AGBL4: variants seen among roughly 807,000 people sequenced by gnomAD.
The protein encoded by AGBL4 is AGBL carboxypeptidase 4.
AGBL4 carries 58 observed loss-of-function variants against 66.4 expected under a neutral mutation model. The observed-to-expected ratio is 0.87, with a 90% CI of 0.71 to 1.09. AGBL4 has a LOEUF of 1.09. Among genes scored for constraint, AGBL4 ranks in the 50% least tolerant of loss-of-function variants. The pLI is 0.00. For missense variants in AGBL4, 579 were observed against 631.0 expected (o/e 0.92, Z 0.88); for synonymous variants, 234 against 222.9 (o/e 1.05, Z -0.44).
At chr1:49,190,686 C>G (rs1647101104) in intron 4 of AGBL4, among the ~76,000 whole-genome samples, 1 of 152,166 alleles carries the variant, frequency 6.6e-6, no homozygotes. Context: ...AGAGTAACTT[C>G]CCTTCCTCTC....
intron 1 of AGBL4, among the ~76,000 whole-genome samples, chr1:50,021,150 G>A (rs2148453298): frequency 6.6e-6 from 1 of 152,146 alleles, no homozygotes; most frequent in Admixed American, 6.5e-5. Flanking sequence ...ATATTGTTTG[G>A]CAGCATTCAG....
chr1:48,941,654 T>G (rs142193002), intron 5 of AGBL4, among the ~76,000 whole-genome samples: 1 of 152,174 alleles, frequency 6.6e-6, no homozygotes, highest in African/African-American at 2.4e-5. Flanking sequence ...AAGGGTACAG[T>G]GATGCAGAAA....
rs1275972795 is a variant in AGBL4, at chr1:49,251,330, G to A, written c.283-5466C>T. Among the ~76,000 whole-genome samples, 8 of 152,272 alleles carry A rather than the reference G, an allele frequency of 5.3e-5. No homozygotes were observed. The South Asian group carries it at 1.5e-3, about 28-fold the overall frequency. ...TGCATGGGTGGATTTTGTTTTACTT[G>A]CCCTTCCACACATAAAGTGCAGTCT... On this transcript the variant is annotated intron_variant, in intron 3 of 13. Transcript: ENST00000371839.
chr1:49,909,275 C>T (rs376284110), intron 1 of AGBL4, among the ~76,000 whole-genome samples: 1 of 152,072 alleles, frequency 6.6e-6, no homozygotes, highest in Non-Finnish European at 1.5e-5. Flanking sequence ...CACACACACA[C>T]ATATACATAC....
At chr1:49,420,714 A>G (rs1645527637) in intron 3 of AGBL4, among the ~76,000 whole-genome samples, 1 of 152,152 alleles carries the variant, frequency 6.6e-6, no homozygotes, top group African/African-American at 2.4e-5. Context: ...AAAAAAAAAA[A>G]AAGTGCTCTG....
chr1:48,622,537 G>A (rs1645433018), intron 9 of AGBL4, among the ~76,000 whole-genome samples: 1 of 133,160 alleles, frequency 7.5e-6, no homozygotes, highest in Non-Finnish European at 1.5e-5. Flanking sequence ...AGGCTGGAGT[G>A]CAATGGCACA....
At chr1:49,821,001 T>A (rs866199065) in intron 2 of AGBL4, among the ~76,000 whole-genome samples, 1 of 152,206 alleles carries the variant, frequency 6.6e-6, no homozygotes, top group South Asian at 2.1e-4. Flanking sequence ...TTGTTAATCA[T>A]AAAATGCTTA....
chr1:49,001,945 T>A (rs1296083320), intron 5 of AGBL4, among the ~76,000 whole-genome samples: 1 of 152,230 alleles, frequency 6.6e-6, no homozygotes, highest in Non-Finnish European at 1.5e-5. Context: ...TGTTTCTTCA[T>A]CTGTAAAGTA....
rs140224491 is a variant in AGBL4, at chr1:49,740,408, T to C, written c.158-42971A>G. Reference sequence around the variant, plus strand: ...CACCCAGATTCATAAAGCAAGTCCTTAGAGACCTACAAAGAGACGTAGACT... The same window carrying C: ...CACCCAGATTCATAAAGCAAGTCCTCAGAGACCTACAAAGAGACGTAGACT... On this transcript the variant is annotated intron_variant, in intron 2 of 13. Transcript: ENST00000371839. 4.9e-4 allele frequency among the ~76,000 whole-genome samples: 75 copies of C among 152,186 alleles called. 1 individual carries two copies. In the East Asian group the frequency reaches 0.013, roughly 25 times the overall value.
chr1:48,601,261 T>C (rs191573497), intron 9 of AGBL4, among the ~76,000 whole-genome samples: 132 of 152,324 alleles, frequency 8.7e-4, no homozygotes, highest in African/African-American at 3.1e-3. Context: ...TTTAATCACT[T>C]GAAATTTGAA....
intron 5 of AGBL4, among the ~76,000 whole-genome samples, chr1:48,958,272 G>A (rs1220014657): frequency 1.3e-5 from 2 of 152,124 alleles, no homozygotes; most frequent in South Asian, 2.1e-4. Context: ...TGCTCATGCT[G>A]CTCCTTTCCC....
chr1:49,037,451 T>C (rs1664755206), intron 5 of AGBL4, among the ~76,000 whole-genome samples: 1 of 152,072 alleles, frequency 6.6e-6, no homozygotes, highest in Non-Finnish European at 1.5e-5. Flanking sequence ...TCCCTCAGGA[T>C]ACAGTCCAAA....
At chr1:49,510,099 T>G (rs1158117381) in intron 3 of AGBL4, among the ~76,000 whole-genome samples, 3 of 151,962 alleles carry the variant, frequency 2.0e-5, no homozygotes, top group African/African-American at 7.2e-5. Context: ...GCTCAGGACA[T>G]TCTCCCCATA....
intron 3 of AGBL4, among the ~76,000 whole-genome samples, chr1:49,569,452 T>A (rs1644282600): frequency 6.6e-6 from 1 of 152,188 alleles, no homozygotes; most frequent in Non-Finnish European, 1.5e-5. Flanking sequence ...TCACATTGCA[T>A]GCCATTATTA....
intron 1 of AGBL4, among the ~76,000 whole-genome samples, chr1:49,970,404 G>GA (rs1657953285): frequency 6.6e-6 from 1 of 151,902 alleles, no homozygotes; most frequent in East Asian, 1.9e-4. Context: ...ACTCAATAGC[G>GA]AAAAAACAAA....
intron 12 of AGBL4, 74 bp downstream of exon 12, chr1:48,539,568 G>T: frequency 8.2e-7 from 1 of 1,222,162 alleles, no homozygotes; most frequent in Non-Finnish European, 1.1e-6. Flanking sequence ...TCAGCAAAAG[G>T]CTAAGGGAAG....
intron 1 of AGBL4, among the ~76,000 whole-genome samples, chr1:49,884,314 C>T (rs1647773046): frequency 6.6e-6 from 1 of 151,798 alleles, no homozygotes; most frequent in African/African-American, 2.4e-5. Flanking sequence ...TTATGTAAAA[C>T]ACATGTAAAT....
chr1:49,022,679 A>T (rs978929368), intron 5 of AGBL4, among the ~76,000 whole-genome samples: 1 of 152,178 alleles, frequency 6.6e-6, no homozygotes. Context: ...TCCTATTGAC[A>T]TGTGAACTTA....
intron 3 of AGBL4, among the ~76,000 whole-genome samples, chr1:49,338,298 T>A (rs1645476033): frequency 6.6e-6 from 1 of 152,178 alleles, no homozygotes; most frequent in Non-Finnish European, 1.5e-5. Context: ...CGGAACACAT[T>A]TCTATGCCAC....
Sources: allele counts gnomAD v4.1 joint callset (sites outside exome capture counted in the v4.1 genomes callset), GRCh38; gene constraint gnomAD v4.1.1; transcripts MANE v1.5; gene names NCBI Gene and HGNC (gene_info 2026-07-23, HGNC 2026-07-21).